The following RFWD3 variants were observed in gnomAD, a reference collection of about 807,000 sequenced individuals.
The protein encoded by RFWD3 is ring finger and WD repeat domain 3, also known as E3 ubiquitin-protein ligase RFWD3.
RFWD3 carries 65 observed loss-of-function variants against 87.7 expected under a neutral mutation model. The ratio of observed to expected loss-of-function variants is 0.74; its 90% CI spans 0.61 to 0.91. The LOEUF is 0.91. Among genes scored for constraint, RFWD3 ranks in the 40% least tolerant of loss-of-function variants. RFWD3 has a pLI of 0.00. For synonymous variants in RFWD3, 433 were observed against 352.8 expected (o/e 1.23, Z -2.55); for missense variants, 1,078 against 938.5 (o/e 1.15, Z -1.94).
intron 2 of RFWD3, among the ~76,000 whole-genome samples, chr16:74,657,973 T>C (rs746529602): frequency 2.0e-5 from 3 of 152,272 alleles, no homozygotes; most frequent in East Asian, 3.9e-4. Context: ...AAAAAAGTGA[T>C]AGACGATTAA....
chr16:74,641,538 T>G (rs1017091906), intron 6 of RFWD3, among the ~76,000 whole-genome samples: 1 of 151,986 alleles, frequency 6.6e-6, no homozygotes, highest in Non-Finnish European at 1.5e-5. Context: ...GTCCCATGTA[T>G]CAACTAGGAT....
chr16:74,638,601 A>G (rs1959355627), intron 6 of RFWD3, among the ~76,000 whole-genome samples: 2 of 152,334 alleles, frequency 1.3e-5, no homozygotes, highest in South Asian at 4.1e-4. Context: ...ATTGGAAAAG[A>G]TAAAGCTGCC....
chr16:74,631,850 A>C (rs573020931), intron 9 of RFWD3, among the ~76,000 whole-genome samples: 1 of 152,070 alleles, frequency 6.6e-6, no homozygotes, highest in Admixed American at 6.5e-5. Context: ...CAAACCCCTG[A>C]CCTCAGCTGA....
intron 7 of RFWD3, 27 bp downstream of exon 7, chr16:74,637,829 T>C (rs1959274920): frequency 6.6e-7 from 1 of 1,524,446 alleles, no homozygotes; most frequent in African/African-American, 1.4e-5. Flanking sequence ...TTCCAAAAGT[T>C]CTTTGGATTA....
chr16:74,658,984 T>C (rs971700301), intron 2 of RFWD3, among the ~76,000 whole-genome samples: 8 of 152,080 alleles, frequency 5.3e-5, no homozygotes, highest in Non-Finnish European at 1.2e-4. Flanking sequence ...GGCCTCGAAC[T>C]CCTGGCCTAA....
intron 4 of RFWD3, among the ~76,000 whole-genome samples, chr16:74,646,469 C>T (rs771811036): frequency 1.3e-5 from 2 of 152,132 alleles, no homozygotes; most frequent in African/African-American, 4.8e-5. Context: ...CCACCATACA[C>T]CAACCATGCT....
At chr16:74,662,785 T>C (rs1961562999) in intron 1 of RFWD3, among the ~76,000 whole-genome samples, 1 of 152,120 alleles carries the variant, frequency 6.6e-6, no homozygotes, top group Non-Finnish European at 1.5e-5. Flanking sequence ...ATAAGCTAGG[T>C]GACCAGTGTA....
intron 2 of RFWD3, among the ~76,000 whole-genome samples, chr16:74,658,103 GCA>G (rs1961140874): frequency 1.3e-5 from 2 of 152,172 alleles, no homozygotes; most frequent in Non-Finnish European, 2.9e-5. Flanking sequence ...CTCTTTGGGA[GCA>G]CAGATTTAGA....
Position 74,644,550 on chromosome 16 carries a change from T to C in RFWD3, c.978A>G (p.Lys326=), listed in dbSNP as rs1434925433. 11 of 1,614,090 alleles carry C rather than the reference T, an allele frequency of 6.8e-6. No individual in the cohort carries two copies. Among genetic ancestry groups the C allele is most frequent in the Non-Finnish European group, 9.3e-6 (11 of 1,180,052 alleles). The part of the protein sequence containing the change: ...ISTWLKGQVR[K]CPQCNKKARH... The stretch of plus-strand genomic sequence containing the variant: ...TACCTATGGTCCTTACCTGGGGACA[T>C]TTTCGTACTTGTCCTTTAAGCCACG... The change falls in exon 5 of 13, where the codon AAA becomes AAG. Residue 326 remains lysine (K), a synonymous_variant. Coordinates refer to ENST00000361070, the MANE Select transcript of RFWD3 (RefSeq NM_018124.4).
intron 2 of RFWD3, chr16:74,660,604 G>C (rs947477348): frequency 1.3e-5 from 3 of 234,852 alleles, no homozygotes; most frequent in Non-Finnish European, 2.5e-5. Flanking sequence ...CCCCCAGGTG[G>C]AATGCCAGTG....
At chr16:74,660,414 C>T (rs947460159) in intron 2 of RFWD3, among the ~76,000 whole-genome samples, 10 of 152,122 alleles carry the variant, frequency 6.6e-5, no homozygotes, top group Admixed American at 2.6e-4. Flanking sequence ...GATTGTGCCA[C>T]GGGAATCCAG....
chr16:74,644,081 G>C (rs1206452946), intron 6 of RFWD3: 2 of 486,706 alleles, frequency 4.1e-6, no homozygotes, highest in South Asian at 2.4e-5. Context: ...GCTGTGGCGG[G>C]GGGTGGTCAG....
Position 74,637,695 on chromosome 16 carries a change from T to C in RFWD3, c.1194+161A>G, listed in dbSNP as rs142849013. ...TCATCATAAAGTGTGTAGTAAGTTT[T>C]GAACAGATGCCCTAATCAGAAATAA... is the stretch of plus-strand genomic sequence containing the variant. On this transcript the variant is annotated intron_variant, in intron 7 of 12. Coordinates refer to ENST00000361070, the MANE Select transcript of RFWD3 (RefSeq NM_018124.4). Among the ~76,000 whole-genome samples the C allele has an allele frequency of 2.0e-5, 3 of 152,324 alleles. No individual in the cohort carries two copies. In the East Asian group the frequency reaches 5.8e-4, roughly 29 times the overall value.
chr16:74,650,852 G>A (rs1047177749), intron 3 of RFWD3, among the ~76,000 whole-genome samples: 20 of 151,696 alleles, frequency 1.3e-4, no homozygotes, highest in Admixed American at 2.6e-4. Flanking sequence ...ACTCCAACCT[G>A]GGGGACAGAG....
intron 2 of RFWD3, among the ~76,000 whole-genome samples, chr16:74,652,674 A>G (rs2144274164): frequency 6.6e-6 from 1 of 152,344 alleles, no homozygotes; most frequent in African/African-American, 2.4e-5. Context: ...ATCAAACAAA[A>G]TAACTTAGAA....
chr16:74,659,541 G>C (rs1961264483), intron 2 of RFWD3, among the ~76,000 whole-genome samples: 1 of 152,070 alleles, frequency 6.6e-6, no homozygotes, highest in Non-Finnish European at 1.5e-5. Context: ...GTCCTGGTGA[G>C]CTGATACTGC....
In RFWD3 at chr16:74,657,149, C is replaced by A. The variant is rs372736909; in HGVS notation, c.518+3783G>T. On this transcript the variant is annotated intron_variant, in intron 2 of 12. Transcript: ENST00000361070. Reference sequence around the variant, plus strand: ...ACCAACAGGTCATATAAAGATAATTCTCTGGGAATGAGGCTTTGAAGGTGC... The same window carrying A: ...ACCAACAGGTCATATAAAGATAATTATCTGGGAATGAGGCTTTGAAGGTGC... 4.6e-5 allele frequency among the ~76,000 whole-genome samples: 7 copies of A among 152,248 alleles called. No individual in the cohort carries two copies. The East Asian group carries it at 9.7e-4, about 21-fold the overall frequency.
chr16:74,648,862 G>A (rs529508882), intron 4 of RFWD3, among the ~76,000 whole-genome samples: 1 of 152,142 alleles, frequency 6.6e-6, no homozygotes, highest in Admixed American at 6.5e-5. Flanking sequence ...GAGGCAGGAC[G>A]ATACCTTGAG....
intron 2 of RFWD3, among the ~76,000 whole-genome samples, chr16:74,659,209 C>T (rs190900374): frequency 4.1e-4 from 62 of 152,220 alleles, no homozygotes; most frequent in Non-Finnish European, 5.6e-4. Context: ...ATCCACTCTG[C>T]GTCCCCCAAC....
Sources: gnomAD v4.1 joint callset for allele counts (sites outside exome capture counted in the v4.1 genomes callset) on GRCh38, gnomAD v4.1.1 for gene constraint, MANE v1.5 for transcripts, NCBI Gene and HGNC (gene_info 2026-07-23, HGNC 2026-07-21) for gene names.